SETBP1: variants seen among roughly 807,000 people sequenced by gnomAD.
SETBP1 encodes the protein SET binding protein 1.
Under a neutral mutation model 101.0 loss-of-function variants are expected in SETBP1, and 9 were observed. The observed-to-expected ratio is 0.09, with a 90% CI of 0.05 to 0.16. The LOEUF (loss-of-function observed/expected upper bound fraction) is 0.16. Ranked by LOEUF, SETBP1 falls within the 10% of genes least tolerant of loss-of-function variation. The pLI is 1.00. For synonymous variants in SETBP1, 818 were observed against 788.5 expected (o/e 1.04, Z -0.63); for missense variants, 1,858 against 2,033.8 (o/e 0.91, Z 1.66).
chr18:44,699,323 C>G (rs1371743831), intron 1 of SETBP1, among the ~76,000 whole-genome samples: 1 of 152,128 alleles, frequency 6.6e-6, no homozygotes, highest in Non-Finnish European at 1.5e-5. Flanking sequence ...GGATTCTTAC[C>G]GCTTGACAAA....
Position 45,063,866 on chromosome 18 carries a change from T to C in SETBP1, c.*168T>C. 2 of 682,194 alleles carry C rather than the reference T, an allele frequency of 2.9e-6. No individual in the cohort carries two copies. The highest frequency in any genetic ancestry group is 4.9e-6 in the Non-Finnish European group (2 of 412,150). 42.3% of individuals were successfully genotyped at this position (682,194 alleles called of 1,614,324 possible). A position where few individuals can be genotyped will look rare whatever the true frequency, so the allele number is the denominator to read the frequency against. ...GACGGGGCTGAGCCATCAGGAGCTCTTGGGAAAGCAAAGCAGGGAGACACC... is the reference window on the plus strand; with the variant it reads ...GACGGGGCTGAGCCATCAGGAGCTCCTGGGAAAGCAAAGCAGGGAGACACC... On this transcript the variant is annotated 3_prime_UTR_variant, in exon 6 of 6. Transcript: ENST00000649279.
At chr18:44,691,403 T>C (rs1490888314) in intron 1 of SETBP1, among the ~76,000 whole-genome samples, 4 of 146,006 alleles carry the variant, frequency 2.7e-5, no homozygotes, top group African/African-American at 7.7e-5. Flanking sequence ...TTTCCTTGAC[T>C]GCACAGAGGA....
chr18:44,743,435 A>G (rs930210337), intron 2 of SETBP1, among the ~76,000 whole-genome samples: 2 of 152,240 alleles, frequency 1.3e-5, no homozygotes, highest in African/African-American at 4.8e-5. Context: ...AATCGAAAGT[A>G]GAAAGTGCCC....
chr18:44,717,250 C>A (rs944921780), intron 2 of SETBP1, among the ~76,000 whole-genome samples: 1 of 152,224 alleles, frequency 6.6e-6, no homozygotes, highest in African/African-American at 2.4e-5. Context: ...GGAAAACCAG[C>A]AGAGAGGTGT....
rs1033316541 is a variant in SETBP1 at position 44,752,245 on chromosome 18, C to A, written c.486+50413C>A. Among the ~76,000 whole-genome samples, 6 of 152,360 alleles carry A rather than the reference C, an allele frequency of 3.9e-5. 1 individual carries two copies. In the South Asian group the frequency reaches 1.2e-3, roughly 32 times the overall value. On this transcript the variant is annotated intron_variant, in intron 2 of 5. Coordinates refer to ENST00000649279, the MANE Select transcript of SETBP1 (RefSeq NM_015559.3). ...GATTTACCAATTATAGAGTGAGACA[C>A]TGCAGGACTCCAGTGGTTCTTGAAT...
intron 3 of SETBP1, among the ~76,000 whole-genome samples, chr18:44,929,088 A>G (rs1273582394): frequency 6.6e-6 from 1 of 152,106 alleles, no homozygotes; most frequent in African/African-American, 2.4e-5. Context: ...TCTTTAATCC[A>G]TCCGTCTTGA....
Position 45,063,390 on chromosome 18 carries a change from G to A in SETBP1, c.4483G>A (p.Val1495Met). The change falls in exon 6 of 6, where the codon GTG (valine) becomes ATG (methionine). Residue 1495 changes from valine (V) to methionine (M), a missense_variant. Physicochemically the swap from Val to Met is conservative, Grantham distance 21. Coordinates refer to ENST00000649279, the MANE Select transcript of SETBP1 (RefSeq NM_015559.3). ...CCAGAAGCCCAGCCTGAGCCCGCTG[G>A]TGCTGGAGCCCGCCGCCAGCCAAGA... ...RGQKPSLSPLVLEPAASQDTI... is the reference protein window; with the variant it reads ...RGQKPSLSPLMLEPAASQDTI... 1 of 1,550,272 alleles carries A rather than the reference G, an allele frequency of 6.5e-7. No homozygotes were observed. Among genetic ancestry groups the A allele is most frequent in the African/African-American group, 1.4e-5 (1 of 72,680 alleles).
chr18:44,859,601 A>G (rs1238837369), intron 2 of SETBP1, among the ~76,000 whole-genome samples: 1 of 152,214 alleles, frequency 6.6e-6, no homozygotes, highest in Non-Finnish European at 1.5e-5. Flanking sequence ...AAATAATACT[A>G]TCTTGCACTG....
intron 2 of SETBP1, among the ~76,000 whole-genome samples, chr18:44,777,604 C>T (rs532912482): frequency 1.3e-5 from 2 of 152,272 alleles, no homozygotes; most frequent in South Asian, 2.1e-4. Context: ...CAGACATCAC[C>T]ACCCTTTCCC....
At chr18:45,022,334 T>C (rs1028443152) in intron 4 of SETBP1, among the ~76,000 whole-genome samples, 3 of 152,166 alleles carry the variant, frequency 2.0e-5, no homozygotes, top group Admixed American at 6.5e-5. Flanking sequence ...TGCGGTACTG[T>C]TGTGTGCTTC....
chr18:44,890,673 T>C (rs2069748097), intron 3 of SETBP1, among the ~76,000 whole-genome samples: 1 of 152,152 alleles, frequency 6.6e-6, no homozygotes. Flanking sequence ...TATAATTTTT[T>C]CACCTAGTCT....
intron 2 of SETBP1, among the ~76,000 whole-genome samples, chr18:44,703,413 T>C (rs1264690794): frequency 7.5e-6 from 1 of 133,574 alleles, no homozygotes; most frequent in African/African-American, 2.8e-5. Flanking sequence ...GGCAGTTATT[T>C]TCAATAAAAC....
intron 3 of SETBP1, among the ~76,000 whole-genome samples, chr18:44,898,435 G>T (rs375654480): frequency 7.9e-5 from 12 of 152,152 alleles, no homozygotes. Context: ...CTAATTTAGC[G>T]TGGCTAGAAT....
At position 44,950,870 on chromosome 18, in the gene SETBP1, A is replaced by G. The variant is rs775907885; in HGVS notation, c.1530A>G (p.Thr510=). The G allele has an allele frequency of 1.9e-6, 3 of 1,614,198 alleles. No individual in the cohort carries two copies. The highest frequency in any genetic ancestry group is 1.7e-6 in the Non-Finnish European group (2 of 1,180,036). The change falls in exon 4 of 6, where the codon ACA becomes ACG. Residue 510 remains threonine (T), a synonymous_variant. Coordinates refer to ENST00000649279, the MANE Select transcript of SETBP1 (RefSeq NM_015559.3). ...TGGTCATGACACCTCCAACGTGCAC[A>G]GATCACTCTCCATCCAGAAAGCTGC... is the stretch of plus-strand genomic sequence containing the variant. The part of the protein sequence containing the change: ...PPMVMTPPTC[T]DHSPSRKLPE...
intron 2 of SETBP1, among the ~76,000 whole-genome samples, chr18:44,856,642 A>G (rs903223893): frequency 4.6e-5 from 7 of 152,216 alleles, no homozygotes; most frequent in African/African-American, 7.2e-5. Flanking sequence ...TTTGCACTCA[A>G]TAGATTGAAA....
chr18:44,805,380 G>A (rs1373515421), intron 2 of SETBP1, among the ~76,000 whole-genome samples: 2 of 151,698 alleles, frequency 1.3e-5, no homozygotes, highest in African/African-American at 4.9e-5. Flanking sequence ...GGGGATGGCT[G>A]TGGGTCCATG....
At chr18:44,706,676 G>C (rs1273982851) in intron 2 of SETBP1, among the ~76,000 whole-genome samples, 1 of 145,016 alleles carries the variant, frequency 6.9e-6, no homozygotes, top group Non-Finnish European at 1.5e-5. Context: ...GCAAGGCTTA[G>C]CAGCTCTTCT....
chr18:44,742,850 C>T (rs2070128813), intron 2 of SETBP1, among the ~76,000 whole-genome samples: 1 of 152,052 alleles, frequency 6.6e-6, no homozygotes, highest in African/African-American at 2.4e-5. Flanking sequence ...GGTTCTGTTG[C>T]TCTCCATTAC....
chr18:45,057,167 T>C (rs978600194), intron 5 of SETBP1, among the ~76,000 whole-genome samples: 5 of 152,076 alleles, frequency 3.3e-5, no homozygotes, highest in Non-Finnish European at 4.4e-5. Context: ...GCCCCCTACC[T>C]TGCAGAGGCC....
Sources: gnomAD v4.1 joint callset for allele counts (sites outside exome capture counted in the v4.1 genomes callset) on GRCh38, gnomAD v4.1.1 for gene constraint, MANE v1.5 for transcripts, NCBI Gene and HGNC (gene_info 2026-07-23, HGNC 2026-07-21) for gene names.